The following DISC1 variants were observed in gnomAD, a reference collection of about 807,000 sequenced individuals.
DISC1 encodes disrupted in schizophrenia 1 protein.
Under a neutral mutation model 84.5 loss-of-function variants are expected in DISC1, and 57 were observed. That is an observed-to-expected ratio of 0.67 (90% CI 0.55 to 0.84). The LOEUF (loss-of-function observed/expected upper bound fraction) is 0.84. DISC1 is among the 40% of genes least tolerant of loss of function. DISC1 has a pLI of 0.00. For synonymous variants in DISC1, 411 were observed against 415.2 expected (o/e 0.99, Z 0.12); for missense variants, 1,000 against 1,057.8 (o/e 0.95, Z 0.76).
intron 9 of DISC1, among the ~76,000 whole-genome samples, chr1:231,924,682 A>G (rs1362984578): frequency 6.8e-6 from 1 of 146,884 alleles, no homozygotes; most frequent in African/African-American, 2.5e-5. Context: ...TTTGAGATGG[A>G]GTCTCACTCT....
At chr1:231,939,091 G>A (rs932377486) in intron 9 of DISC1, among the ~76,000 whole-genome samples, 1 of 152,150 alleles carries the variant, frequency 6.6e-6, no homozygotes. Flanking sequence ...TCAGTGTATT[G>A]TATGTTTACT....
intron 10 of DISC1, among the ~76,000 whole-genome samples, chr1:231,986,187 T>A (rs1470230131): frequency 6.6e-6 from 1 of 152,194 alleles, no homozygotes; most frequent in Non-Finnish European, 1.5e-5. Flanking sequence ...GGTCCCCTCA[T>A]CCAGCATCTT....
intron 9 of DISC1, among the ~76,000 whole-genome samples, chr1:231,940,185 C>G (rs948209152): frequency 6.6e-6 from 1 of 152,196 alleles, no homozygotes; most frequent in Non-Finnish European, 1.5e-5. Flanking sequence ...TCCCCTCTCT[C>G]TGTGTGTGGT....
chr1:231,944,968 G>T (rs112663537), intron 9 of DISC1: 4 of 152,060 alleles, frequency 2.6e-5, no homozygotes, highest in Non-Finnish European at 5.9e-5. Flanking sequence ...CTACAAAGCG[G>T]CTTAGACTCC....
intron 8 of DISC1, among the ~76,000 whole-genome samples, chr1:231,816,243 G>A (rs1041368161): frequency 1.3e-5 from 2 of 152,104 alleles, no homozygotes; most frequent in Admixed American, 6.5e-5. Context: ...CCATTTGTGC[G>A]TCTACTTTGT....
At chr1:231,804,862 C>T (rs150260933) in intron 8 of DISC1, among the ~76,000 whole-genome samples, 93 of 152,196 alleles carry the variant, frequency 6.1e-4, no homozygotes, top group African/African-American at 2.0e-3. Context: ...CATGTTTTAG[C>T]GGAGTAGTGA....
chr1:231,818,037 C>T lies in DISC1; in HGVS notation c.1793-292C>T, dbSNP rs114830523. On this transcript the variant is annotated intron_variant, in intron 8 of 12. Coordinates refer to ENST00000439617, the MANE Select transcript of DISC1 (RefSeq NM_018662.3). Reference sequence around the variant, plus strand: ...CACATTGTGGTTTCTCTGGATTCCACTGGGACATTTTTGGGTCATCATACT... The same window carrying T: ...CACATTGTGGTTTCTCTGGATTCCATTGGGACATTTTTGGGTCATCATACT... 6.8e-3 allele frequency among the ~76,000 whole-genome samples: 1,040 copies of T among 152,258 alleles called. 12 individuals carry two copies. The highest frequency in any genetic ancestry group is 0.023 in the African/African-American group (976 of 41,538).
intron 10 of DISC1, among the ~76,000 whole-genome samples, chr1:231,982,856 T>C (rs1663814104): frequency 6.6e-6 from 1 of 152,192 alleles, no homozygotes. Flanking sequence ...AAAGTGTGTT[T>C]CAGTCAAGGA....
chr1:231,783,029 T>C (rs2077551972), intron 6 of DISC1, among the ~76,000 whole-genome samples: 1 of 152,172 alleles, frequency 6.6e-6, no homozygotes, highest in African/African-American at 2.4e-5. Flanking sequence ...GGACATTACT[T>C]ATTAAATAAT....
chr1:231,751,788 G>A (rs1014440576), intron 4 of DISC1, among the ~76,000 whole-genome samples: 3 of 152,214 alleles, frequency 2.0e-5, no homozygotes, highest in Non-Finnish European at 4.4e-5. Flanking sequence ...CCATCTGATA[G>A]CATGTGTCAG....
intron 10 of DISC1, among the ~76,000 whole-genome samples, chr1:231,962,027 C>A (rs935964721): frequency 2.6e-5 from 4 of 152,162 alleles, no homozygotes; most frequent in African/African-American, 9.6e-5. Flanking sequence ...TTCTTCACAA[C>A]CTCTCCAGCA....
At chr1:231,881,530 C>T (rs2086289408) in intron 9 of DISC1, among the ~76,000 whole-genome samples, 1 of 152,074 alleles carries the variant, frequency 6.6e-6, no homozygotes, top group African/African-American at 2.4e-5. Flanking sequence ...CTCTGATTAC[C>T]TCTGTAAAGA....
In DISC1 at chr1:231,628,908, A is replaced by AT. The variant is rs911841951; in HGVS notation, c.67+1985dup. Among the ~76,000 whole-genome samples the AT allele has an allele frequency of 4.4e-4, 65 of 147,440 alleles. 1 individual carries two copies. The East Asian group carries it at 9.9e-3, about 22-fold the overall frequency. On this transcript the variant is annotated intron_variant, in intron 1 of 12. Transcript: ENST00000439617. ...AGGCGCATGCCACCATGCCCAGCTA[A>AT]TTTTTTTTTTTAGAGTTGGAGTCTT...
chr1:231,952,153 G>A (rs1658545900), intron 9 of DISC1, among the ~76,000 whole-genome samples: 1 of 148,140 alleles, frequency 6.8e-6, no homozygotes, highest in African/African-American at 2.5e-5. Context: ...TTAGATGAAT[G>A]TATGAATGAC....
intron 9 of DISC1, among the ~76,000 whole-genome samples, chr1:231,957,084 G>C (rs1020875654): frequency 9.9e-5 from 15 of 152,202 alleles, no homozygotes; most frequent in African/African-American, 3.4e-4. Context: ...TGTGGTACCA[G>C]AAATATTGCT....
chr1:231,748,467 A>T (rs766386088), intron 3 of DISC1, among the ~76,000 whole-genome samples: 1 of 152,196 alleles, frequency 6.6e-6, no homozygotes, highest in Non-Finnish European at 1.5e-5. Flanking sequence ...GAATTTTATC[A>T]AAAGCTTTTT....
rs1253511093 is a variant in DISC1 at position 232,008,778 on chromosome 1, G to A, written c.2043-7G>A. The A allele has an allele frequency of 1.9e-6, 3 of 1,544,814 alleles. No individual in the cohort carries two copies. The highest frequency in any genetic ancestry group is 2.3e-5 in the East Asian group (1 of 44,266). The stretch of plus-strand genomic sequence containing the variant: ...ATTTTTATGCCTTTGTTTCCTCTCT[G>A]TCTCAGCTGCAAGTGTCCACTGCTT... On this transcript the variant is annotated splice_polypyrimidine_tract_variant and splice_region_variant and intron_variant, in intron 10 of 12. Coordinates refer to ENST00000439617, the MANE Select transcript of DISC1 (RefSeq NM_018662.3).
chr1:232,010,564 A>G (rs1667931757), intron 11 of DISC1, among the ~76,000 whole-genome samples: 1 of 152,148 alleles, frequency 6.6e-6, no homozygotes, highest in Non-Finnish European at 1.5e-5. Context: ...TCTTTCCTTT[A>G]CCCATCTAAA....
At chr1:231,685,615 G>C (rs1279930654) in intron 1 of DISC1, among the ~76,000 whole-genome samples, 1 of 152,090 alleles carries the variant, frequency 6.6e-6, no homozygotes, top group East Asian at 1.9e-4. Context: ...ACCATGCCCA[G>C]CTAATTTTTG....
Sources: allele counts gnomAD v4.1 joint callset (sites outside exome capture counted in the v4.1 genomes callset), GRCh38; gene constraint gnomAD v4.1.1; transcripts MANE v1.5; gene names NCBI Gene and HGNC (gene_info 2026-07-23, HGNC 2026-07-21).